Variants in SPIN1 observed in about 807,000 individuals in gnomAD.
The protein encoded by SPIN1 is spindlin-1.
SPIN1 carries 3 observed loss-of-function variants against 26.0 expected under a neutral mutation model. The observed-to-expected ratio is 0.12, with a 90% CI of 0.05 to 0.30. The LOEUF is 0.30. Among genes scored for constraint, SPIN1 ranks in the 10% least tolerant of loss-of-function variants. SPIN1 has a pLI of 1.00. For synonymous variants in SPIN1, 101 were observed against 116.5 expected (o/e 0.87, Z 0.86); for missense variants, 126 against 333.4 (o/e 0.38, Z 4.84).
chr9:88,414,541 C>G (rs2117974843), intron 1 of SPIN1, among the ~76,000 whole-genome samples: 1 of 152,306 alleles, frequency 6.6e-6, no homozygotes, highest in East Asian at 1.9e-4. Flanking sequence ...CTAGTGATAT[C>G]ACGTGGCTGA....
In SPIN1 at chr9:88,469,664, A is replaced by G. The variant is rs375012057; in HGVS notation, c.589+1059A>G. 2.5e-4 allele frequency among the ~76,000 whole-genome samples: 38 copies of G among 151,970 alleles called. 1 individual carries two copies. The East Asian group carries it at 6.2e-3, about 25-fold the overall frequency. On this transcript the variant is annotated intron_variant, in intron 5 of 5. Coordinates refer to ENST00000375859, the MANE Select transcript of SPIN1 (RefSeq NM_006717.3). ...CAAGTGGCTGGGACTGCAGGCACCC[A>G]CCGCCACACCTGGTTAATTTTTGTT...
At position 88,476,866 on chromosome 9, in the gene SPIN1, A is replaced by G. The variant is rs1000721530; in HGVS notation, c.*1589A>G. ...AAACGTGCATGCTTGTCACTCAAAC[A>G]CCAGAAGTTTGAATCAGAGGTCTGA... On this transcript the variant is annotated 3_prime_UTR_variant, in exon 6 of 6. Transcript: ENST00000375859. The G allele has an allele frequency of 6.6e-6, 1 of 152,124 alleles. No individual in the cohort carries two copies. Among genetic ancestry groups the G allele is most frequent in the Non-Finnish European group, 1.5e-5 (1 of 68,028 alleles). The allele number at this position is 152,124 out of a possible 1,614,324, so 9.4% of individuals were successfully genotyped here.
intron 1 of SPIN1, among the ~76,000 whole-genome samples, chr9:88,404,546 TC>T (rs542516912): frequency 3.5e-4 from 53 of 152,326 alleles, no homozygotes; most frequent in African/African-American, 1.2e-3. Context: ...AATACTTTCT[TC>T]CTGTTATTTT....
At chr9:88,441,171 A>G (rs1187607648) in intron 2 of SPIN1, among the ~76,000 whole-genome samples, 2 of 151,868 alleles carry the variant, frequency 1.3e-5, no homozygotes, top group East Asian at 1.9e-4. Flanking sequence ...AATGATTTAC[A>G]TAACTTTTGT....
intron 2 of SPIN1, among the ~76,000 whole-genome samples, chr9:88,429,030 A>G (rs916642197): frequency 6.6e-6 from 1 of 152,082 alleles, no homozygotes; most frequent in Admixed American, 6.6e-5. Flanking sequence ...TGTGCCATCA[A>G]GCCTGGCTAA....
intron 3 of SPIN1, among the ~76,000 whole-genome samples, chr9:88,459,019 A>G (rs1236912940): frequency 2.6e-5 from 4 of 152,214 alleles, no homozygotes; most frequent in African/African-American, 9.7e-5. Flanking sequence ...CCAAATTGAC[A>G]CACAAAGTTA....
At chr9:88,457,580 G>T (rs1828495197) in intron 3 of SPIN1, among the ~76,000 whole-genome samples, 1 of 151,992 alleles carries the variant, frequency 6.6e-6, no homozygotes, top group African/African-American at 2.4e-5. Context: ...TTGCCCCTCA[G>T]AGGAACAAGG....
At position 88,475,392 on chromosome 9, in the gene SPIN1, A is replaced by G. The variant is rs536139669; in HGVS notation, c.*115A>G. ...GCTTAAATGTCCCTGCGAACCCACA[A>G]TCTCTGCCAGCAGAACTGGTTTTGT... On this transcript the variant is annotated 3_prime_UTR_variant, in exon 6 of 6. Transcript: ENST00000375859. 104 of 1,056,098 alleles carry G rather than the reference A, an allele frequency of 9.8e-5. No homozygotes were observed. Among genetic ancestry groups the G allele is most frequent in the Middle Eastern group, 3.1e-4 (1 of 3,202 alleles). The allele number at this position is 1,056,098 out of a possible 1,614,324, so 65.4% of individuals were successfully genotyped here.
Position 88,475,472 on chromosome 9 carries a change from T to G in SPIN1, c.*195T>G, listed in dbSNP as rs1828871795. ...AAGCATTTTGTGTAAGGAGAACCCC[T>G]TTCTTTTAAAAGAAGTCTGTCTATT... On this transcript the variant is annotated 3_prime_UTR_variant, in exon 6 of 6. Coordinates refer to ENST00000375859, the MANE Select transcript of SPIN1 (RefSeq NM_006717.3). 2.2e-6 allele frequency: 1 copy of G among 457,394 alleles called. No individual in the cohort carries two copies. The allele number at this position is 457,394 out of a possible 1,614,324, so 28.3% of individuals were successfully genotyped here.
intron 2 of SPIN1, among the ~76,000 whole-genome samples, chr9:88,432,096 T>G (rs1212185975): frequency 6.6e-6 from 1 of 152,128 alleles, no homozygotes; most frequent in Non-Finnish European, 1.5e-5. Flanking sequence ...TGTCTCCTGT[T>G]TTTCTTCTTC....
intron 1 of SPIN1, among the ~76,000 whole-genome samples, chr9:88,405,302 C>T (rs1827272910): frequency 6.6e-6 from 1 of 151,918 alleles, no homozygotes; most frequent in Non-Finnish European, 1.5e-5. Context: ...GATCTCGGCT[C>T]ACTGCAACCT....
At chr9:88,439,948 A>G (rs184468532) in intron 2 of SPIN1, among the ~76,000 whole-genome samples, 3 of 152,250 alleles carry the variant, frequency 2.0e-5, no homozygotes, top group African/African-American at 7.2e-5. Flanking sequence ...CTTAATTGGT[A>G]TATTTAGATC....
intron 1 of SPIN1, among the ~76,000 whole-genome samples, chr9:88,409,837 CAAAA>C (rs879517349): frequency 1.8e-5 from 2 of 111,208 alleles, no homozygotes; most frequent in Non-Finnish European, 1.9e-5. Flanking sequence ...GACTCCGTCT[CAAAA>C]AAAAAAAAAA....
At chr9:88,410,193 C>CT (rs112040783) in intron 1 of SPIN1, among the ~76,000 whole-genome samples, 27,476 of 132,190 alleles carry the variant, frequency 0.21, 4,043 homozygotes, top group African/African-American at 0.47. Context: ...GTGTGTGCAA[C>CT]TTTTTTTTTT....
At chr9:88,435,102 T>C (rs1182304572) in intron 2 of SPIN1, among the ~76,000 whole-genome samples, 1 of 152,020 alleles carries the variant, frequency 6.6e-6, no homozygotes, top group Admixed American at 6.6e-5. Flanking sequence ...TGTTGTGTCA[T>C]TGGATAAATT....
intron 2 of SPIN1, among the ~76,000 whole-genome samples, chr9:88,448,437 G>A (rs1317367904): frequency 6.6e-6 from 1 of 151,806 alleles, no homozygotes; most frequent in Non-Finnish European, 1.5e-5. Flanking sequence ...CTGCAACCTC[G>A]ACTTCCTGGG....
intron 1 of SPIN1, among the ~76,000 whole-genome samples, chr9:88,417,941 G>A (rs951746657): frequency 1.3e-5 from 2 of 152,214 alleles, no homozygotes; most frequent in African/African-American, 4.8e-5. Context: ...CTCAGGAACA[G>A]CCAGATGGAA....
At chr9:88,397,609 A>G (rs980080273) in intron 1 of SPIN1, among the ~76,000 whole-genome samples, 4 of 151,542 alleles carry the variant, frequency 2.6e-5, no homozygotes, top group African/African-American at 9.7e-5. Context: ...CGACTCCAAC[A>G]AGCATCAGTT....
chr9:88,398,352 A>T (rs918223991), intron 1 of SPIN1, among the ~76,000 whole-genome samples: 1 of 152,204 alleles, frequency 6.6e-6, no homozygotes, highest in African/African-American at 2.4e-5. Flanking sequence ...AATTAATTTT[A>T]GTTTTCCCAC....
Sources: gnomAD v4.1 joint callset for allele counts (sites outside exome capture counted in the v4.1 genomes callset) on GRCh38, gnomAD v4.1.1 for gene constraint, MANE v1.5 for transcripts, NCBI Gene and HGNC (gene_info 2026-07-23, HGNC 2026-07-21) for gene names.